NFXL1: variants seen among roughly 807,000 people sequenced by gnomAD.
NFXL1 encodes the protein NF-X1-type zinc finger protein NFXL1.
In NFXL1, 66 loss-of-function variants were observed where a neutral mutation model predicts 123.3. The observed-to-expected ratio is 0.54, with a 90% CI of 0.44 to 0.66. The LOEUF is 0.66. NFXL1 is among the 30% of genes least tolerant of loss of function. NFXL1 has a pLI of 0.00. For synonymous variants in NFXL1, 346 were observed against 360.8 expected, an observed-to-expected ratio of 0.96 and a Z score of 0.46; for missense variants, 944 against 1,125.6, an observed-to-expected ratio of 0.84 and a Z score of 2.31.
chr4:47,881,163 A>G (rs932691854), intron 15 of NFXL1, among the ~76,000 whole-genome samples: 1 of 152,130 alleles, frequency 6.6e-6, no homozygotes, highest in African/African-American at 2.4e-5. Context: ...ATAGTTAACA[A>G]TAATATATAT....
At chr4:47,881,964 T>C (rs954101499) in intron 15 of NFXL1, among the ~76,000 whole-genome samples, 1 of 152,126 alleles carries the variant, frequency 6.6e-6, no homozygotes, top group Non-Finnish European at 1.5e-5. Context: ...TAATAGTAAA[T>C]ACATGACATT....
chr4:47,866,242 C>T (rs1735066142), intron 18 of NFXL1, among the ~76,000 whole-genome samples: 2 of 152,240 alleles, frequency 1.3e-5, no homozygotes, highest in African/African-American at 4.8e-5. Context: ...TTTAGGCAGA[C>T]TTCTTTAGAC....
chr4:47,879,172 A>C, intron 15 of NFXL1, 55 bp from the exon 16 acceptor site: 1 of 763,426 alleles, frequency 1.3e-6, no homozygotes, highest in Non-Finnish European at 2.1e-6. Flanking sequence ...CAAAAATAAT[A>C]CCTAAAGATG....
chr4:47,880,780 T>C (rs1384555363), intron 15 of NFXL1, among the ~76,000 whole-genome samples: 3 of 89,914 alleles, frequency 3.3e-5, no homozygotes, highest in African/African-American at 1.3e-4. Context: ...ACTGTGCCCA[T>C]AGTAAACAGT....
chr4:47,859,856 A>AC (rs1734638127), intron 19 of NFXL1, among the ~76,000 whole-genome samples: 1 of 143,980 alleles, frequency 6.9e-6, no homozygotes, highest in African/African-American at 2.6e-5. Flanking sequence ...AAAAAAAAAA[A>AC]AAAAAAAAAA....
intron 18 of NFXL1, among the ~76,000 whole-genome samples, chr4:47,869,095 T>C (rs1735278530): frequency 6.6e-6 from 1 of 152,058 alleles, no homozygotes; most frequent in South Asian, 2.1e-4. Context: ...CGTGGTGGTA[T>C]GTGCCTGTAG....
intron 18 of NFXL1, among the ~76,000 whole-genome samples, chr4:47,873,174 A>C (rs958020748): frequency 6.6e-6 from 1 of 152,178 alleles, no homozygotes; most frequent in Non-Finnish European, 1.5e-5. Context: ...TTTTAATTAT[A>C]GTCCTCTTGC....
In NFXL1 at chr4:47,896,580, G is replaced by A. The variant is rs763524952; in HGVS notation, c.1272C>T (p.Cys424=). ...CGDSCDKVLE[C]GIHRCSQRCH... ...AACGCTGTGAACATCTATGGATTCC[G>A]CATTCAAGTACTTTGTCACAACTGT... The change falls in exon 10 of 23, where the codon TGC becomes TGT. Residue 424 remains cysteine (C), a synonymous_variant. Transcript: ENST00000507489. The A allele has an allele frequency of 2.1e-5, 34 of 1,611,958 alleles. No homozygotes were observed. Among genetic ancestry groups the A allele is most frequent in the African/African-American group, 5.3e-5 (4 of 74,848 alleles).
chr4:47,857,721 C>T (rs1734492802), intron 19 of NFXL1, among the ~76,000 whole-genome samples: 1 of 152,180 alleles, frequency 6.6e-6, no homozygotes, highest in African/African-American at 2.4e-5. Flanking sequence ...TAGCCACAGC[C>T]ATGGCTATGC....
intron 19 of NFXL1, among the ~76,000 whole-genome samples, chr4:47,857,976 A>C (rs1174603295): frequency 6.6e-6 from 1 of 152,078 alleles, no homozygotes; most frequent in Non-Finnish European, 1.5e-5. Flanking sequence ...TATACTCCCC[A>C]CAACGTCTTC....
intron 9 of NFXL1, 61 bp from the exon 10 acceptor site, chr4:47,896,708 T>A (rs945159786): frequency 4.1e-6 from 5 of 1,208,320 alleles, no homozygotes; most frequent in Non-Finnish European, 6.0e-6. Flanking sequence ...ATCAACAAAG[T>A]GCCATGTTCT....
At chr4:47,886,386 T>C (rs76101187) in intron 12 of NFXL1, among the ~76,000 whole-genome samples, 5 of 152,086 alleles carry the variant, frequency 3.3e-5, no homozygotes, top group Non-Finnish European at 7.4e-5. Context: ...TTTTTTTTTT[T>C]GTAACAGGGT....
chr4:47,884,866 C>T (rs970159192), intron 14 of NFXL1, among the ~76,000 whole-genome samples: 3 of 152,126 alleles, frequency 2.0e-5, no homozygotes, highest in African/African-American at 7.2e-5. Context: ...GTGCCTCACA[C>T]CTGTAATCCC....
At chr4:47,869,641 T>A (rs1026716872) in intron 18 of NFXL1, among the ~76,000 whole-genome samples, 18 of 152,106 alleles carry the variant, frequency 1.2e-4, no homozygotes, top group Non-Finnish European at 1.3e-4. Flanking sequence ...ACATCTATGA[T>A]AAAAATGAAA....
intron 15 of NFXL1, among the ~76,000 whole-genome samples, chr4:47,880,426 CAAAAAAAAAAA>C (rs752132328): frequency 4.1e-4 from 15 of 36,642 alleles, no homozygotes; most frequent in Admixed American, 2.3e-3. Flanking sequence ...GATCCAGTCT[CAAAAAAAAAAA>C]AAAAAAAAAA....
At chr4:47,859,711 G>A (rs1466743277) in intron 19 of NFXL1, among the ~76,000 whole-genome samples, 3 of 151,142 alleles carry the variant, frequency 2.0e-5, no homozygotes, top group East Asian at 1.9e-4. Context: ...GCGTAGTGGC[G>A]GGCGCCTGTA....
At chr4:47,904,825 AAC>A (rs1347869716) in intron 4 of NFXL1, among the ~76,000 whole-genome samples, 1 of 152,222 alleles carries the variant, frequency 6.6e-6, no homozygotes, top group African/African-American at 2.4e-5. Flanking sequence ...AAATGCCTTT[AAC>A]ACAGGATACG....
At chr4:47,908,625 G>C (rs1737671532) in intron 3 of NFXL1, among the ~76,000 whole-genome samples, 1 of 138,350 alleles carries the variant, frequency 7.2e-6, no homozygotes, top group Non-Finnish European at 1.6e-5. Flanking sequence ...TTAGGATGTG[G>C]GGCCTTATGA....
intron 17 of NFXL1, chr4:47,876,943 T>G (rs555484478): frequency 1.3e-5 from 6 of 449,144 alleles, no homozygotes; most frequent in Admixed American, 3.4e-5. Context: ...AATGACTTTC[T>G]GAGATGGGAA....
Sources: gnomAD v4.1 joint callset for allele counts (sites outside exome capture counted in the v4.1 genomes callset) on GRCh38, gnomAD v4.1.1 for gene constraint, MANE v1.5 for transcripts, NCBI Gene and HGNC (gene_info 2026-07-23, HGNC 2026-07-21) for gene names.